The following PCSK2 variants were observed in gnomAD, a reference collection of about 807,000 sequenced individuals.
The protein encoded by PCSK2 is proprotein convertase subtilisin/kexin type 2, also known as neuroendocrine convertase 2.
In PCSK2, 14 loss-of-function variants were observed where a neutral mutation model predicts 69.7. The ratio of observed to expected loss-of-function variants is 0.20; its 90% confidence interval spans 0.13 to 0.31. PCSK2 has a LOEUF of 0.31. Among genes scored for constraint, PCSK2 ranks in the 10% least tolerant of loss-of-function variants. The probability of loss-of-function intolerance (pLI) is 1.00; values close to 1 mark genes in which losing one functional copy is unlikely to be tolerated. For synonymous variants in PCSK2, 307 were observed against 320.7 expected (o/e 0.96, Z 0.46); for missense variants, 544 against 842.5 (o/e 0.65, Z 4.39).
At chr20:17,258,789 T>A (rs1397494286) in intron 1 of PCSK2, among the ~76,000 whole-genome samples, 2 of 151,442 alleles carry the variant, frequency 1.3e-5, no homozygotes, top group Admixed American at 1.3e-4. Context: ...TGTGTGTGTG[T>A]GTGTGTGTTT....
intron 8 of PCSK2, among the ~76,000 whole-genome samples, chr20:17,448,198 G>T (rs1448693578): frequency 6.6e-6 from 1 of 152,182 alleles, no homozygotes; most frequent in African/African-American, 2.4e-5. Flanking sequence ...CCAGGGGTCT[G>T]CACCCTGCAC....
chr20:17,227,247 A>T lies in PCSK2; in HGVS notation c.-59A>T. The T allele has an allele frequency of 8.1e-7, 1 of 1,227,838 alleles. No individual in the cohort carries two copies. Among genetic ancestry groups the T allele is most frequent in the Non-Finnish European group, 1.2e-6 (1 of 838,200 alleles). 76.1% of individuals were successfully genotyped at this position (1,227,838 alleles called of 1,614,324 possible). ...ATTCTTTATTTGCACCCTCCCTCCGAGTCCCCTGCTCCGCCAGCCTGCGCG... is the reference window on the plus strand; with the variant it reads ...ATTCTTTATTTGCACCCTCCCTCCGTGTCCCCTGCTCCGCCAGCCTGCGCG... On this transcript the variant is annotated 5_prime_UTR_variant, in exon 1 of 12. Transcript: ENST00000262545.
chr20:17,321,662 G>A (rs1989872637), intron 2 of PCSK2, among the ~76,000 whole-genome samples: 1 of 152,158 alleles, frequency 6.6e-6, no homozygotes, highest in African/African-American at 2.4e-5. Flanking sequence ...AACAGTAGTT[G>A]ATTCCATAAT....
intron 10 of PCSK2, chr20:17,464,436 T>A (rs1275558976): frequency 6.6e-6 from 1 of 152,166 alleles, no homozygotes; most frequent in Non-Finnish European, 1.5e-5. Context: ...ATATGCTAAA[T>A]ATAATTTCTC....
At chr20:17,300,588 TG>T (rs1220191936) in intron 2 of PCSK2, among the ~76,000 whole-genome samples, 2 of 152,288 alleles carry the variant, frequency 1.3e-5, no homozygotes, top group African/African-American at 4.8e-5. Flanking sequence ...TCCAACTCGC[TG>T]TCTCTCTGGA....
At chr20:17,476,850 A>G (rs2033299604) in intron 11 of PCSK2, among the ~76,000 whole-genome samples, 2 of 152,168 alleles carry the variant, frequency 1.3e-5, no homozygotes, top group Admixed American at 1.3e-4. Flanking sequence ...TATGGCCCTC[A>G]TTACCCCGAC....
intron 4 of PCSK2, among the ~76,000 whole-genome samples, chr20:17,361,486 C>T (rs2030394390): frequency 6.6e-6 from 1 of 152,146 alleles, no homozygotes; most frequent in African/African-American, 2.4e-5. Flanking sequence ...TGTGTTGTTG[C>T]CCTCCATCAC....
chr20:17,460,976 T>A (rs1350084932), intron 10 of PCSK2, among the ~76,000 whole-genome samples: 1 of 152,086 alleles, frequency 6.6e-6, no homozygotes, highest in East Asian at 1.9e-4. Context: ...TTAAAGTAAC[T>A]TATCCGAGTT....
At chr20:17,233,378 C>A (rs543063563) in intron 1 of PCSK2, among the ~76,000 whole-genome samples, 11 of 152,132 alleles carry the variant, frequency 7.2e-5, no homozygotes, top group Non-Finnish European at 1.5e-4. Flanking sequence ...GCACTAGTGA[C>A]ACTCTTTTCC....
At chr20:17,348,865 C>T (rs1362802422) in intron 2 of PCSK2, among the ~76,000 whole-genome samples, 1 of 152,148 alleles carries the variant, frequency 6.6e-6, no homozygotes, top group African/African-American at 2.4e-5. Flanking sequence ...AATGCAACCT[C>T]ATTCTGAGGT....
At chr20:17,414,754 G>A (rs1458151543) in intron 6 of PCSK2, among the ~76,000 whole-genome samples, 11 of 152,220 alleles carry the variant, frequency 7.2e-5, no homozygotes, top group African/African-American at 2.4e-4. Context: ...TTAGACCAAT[G>A]TCCCTGATGA....
chr20:17,247,155 G>C (rs995573246), intron 1 of PCSK2, among the ~76,000 whole-genome samples: 1 of 152,116 alleles, frequency 6.6e-6, no homozygotes, highest in Non-Finnish European at 1.5e-5. Flanking sequence ...TTCTCCACAT[G>C]GTCTCTCATC....
chr20:17,334,635 G>T (rs1990296350), intron 2 of PCSK2, among the ~76,000 whole-genome samples: 1 of 152,106 alleles, frequency 6.6e-6, no homozygotes, highest in African/African-American at 2.4e-5. Context: ...GCTGGGGAGG[G>T]CCAATAGGAA....
intron 2 of PCSK2, among the ~76,000 whole-genome samples, chr20:17,343,203 C>T (rs79467957): frequency 2.6e-3 from 399 of 152,292 alleles, no homozygotes; most frequent in Non-Finnish European, 4.5e-3. Flanking sequence ...CTTCATACAA[C>T]GCACACCAAC....
intron 1 of PCSK2, 110 bp downstream of exon 1, chr20:17,227,592 C>T (rs775229129): frequency 1.3e-5 from 10 of 772,654 alleles, no homozygotes; most frequent in South Asian, 1.8e-5. Flanking sequence ...TCATGCGATG[C>T]AGATATTCTG....
intron 2 of PCSK2, among the ~76,000 whole-genome samples, chr20:17,352,425 A>C (rs1418888856): frequency 6.6e-6 from 1 of 152,256 alleles, no homozygotes; most frequent in Non-Finnish European, 1.5e-5. Context: ...AGCTGGAGGC[A>C]TTGCATTACC....
chr20:17,428,498 G>A (rs2032294680), intron 6 of PCSK2, among the ~76,000 whole-genome samples: 1 of 152,160 alleles, frequency 6.6e-6, no homozygotes, highest in African/African-American at 2.4e-5. Flanking sequence ...GGATGTCCCA[G>A]ACAGTGCACT....
intron 2 of PCSK2, among the ~76,000 whole-genome samples, chr20:17,347,903 AG>A (rs1421799237): frequency 3.9e-5 from 2 of 51,256 alleles, no homozygotes; most frequent in Non-Finnish European, 9.0e-5. Flanking sequence ...AAAGAAAGAA[AG>A]AAAGAAAGAA....
intron 2 of PCSK2, among the ~76,000 whole-genome samples, chr20:17,295,518 T>A (rs974722950): frequency 6.3e-5 from 9 of 142,912 alleles, no homozygotes; most frequent in Non-Finnish European, 1.2e-4. Context: ...TGTATATTTA[T>A]TTTTATATAT....
Sources: allele counts gnomAD v4.1 joint callset (sites outside exome capture counted in the v4.1 genomes callset), GRCh38; gene constraint gnomAD v4.1.1; transcripts MANE v1.5; gene names NCBI Gene and HGNC (gene_info 2026-07-23, HGNC 2026-07-21).